Variants in LGALS8 observed in about 807,000 individuals in gnomAD.
The protein encoded by LGALS8 is galectin 8.
Under a neutral mutation model 35.9 loss-of-function variants are expected in LGALS8, and 30 were observed. The ratio of observed to expected loss-of-function variants is 0.83; its 90% CI spans 0.62 to 1.13. LGALS8 has a LOEUF of 1.13. Among genes scored for constraint, LGALS8 ranks in the 50% most tolerant of loss-of-function variants. The probability of loss-of-function intolerance (pLI) is 0.00; values close to 1 mark genes in which losing one functional copy is unlikely to be tolerated. For synonymous variants in LGALS8, 138 were observed against 136.1 expected, an observed-to-expected ratio of 1.01 and a Z score of -0.10; for missense variants, 366 against 388.7, an observed-to-expected ratio of 0.94 and a Z score of 0.49.
intron 9 of LGALS8, among the ~76,000 whole-genome samples, chr1:236,546,005 G>GTCA (rs1662339868): frequency 6.6e-6 from 1 of 152,182 alleles, no homozygotes; most frequent in South Asian, 2.1e-4. Context: ...TGGGTGACAG[G>GTCA]AAACCAATGA....
upstream of LGALS8, among the ~76,000 whole-genome samples, chr1:236,520,369 T>C (rs1408810308): frequency 2.7e-5 from 3 of 110,680 alleles, no homozygotes; most frequent in Admixed American, 1.2e-4. Flanking sequence ...CAATGTAGTA[T>C]CTTCTCTTTA....
Position 236,551,923 on chromosome 1 carries a change from C to A in LGALS8, c.*3762C>A. The A allele has an allele frequency of 1.1e-6, 1 of 948,514 alleles. No homozygotes were observed. Among genetic ancestry groups the A allele is most frequent in the Non-Finnish European group, 1.7e-6 (1 of 591,692 alleles). 58.8% of individuals were successfully genotyped at this position (948,514 alleles called of 1,614,324 possible). ...CACGTTATATCCAAATCTGCATTAT[C>A]ATTGGGCACATTTTCACAGAATTTT... On this transcript the variant is annotated 3_prime_UTR_variant, in exon 10 of 10. Transcript: ENST00000366584.
rs1052544054 is a variant in LGALS8, at chr1:236,549,524, T to G, written c.*1363T>G. On this transcript the variant is annotated 3_prime_UTR_variant, in exon 10 of 10. Coordinates refer to ENST00000366584, the MANE Select transcript of LGALS8 (RefSeq NM_201544.4). ...ATATTGAAAAGAATACCATTGTCAA[T>G]CTTATTTTTTTAAAAGTACTCAGTG... is the stretch of plus-strand genomic sequence containing the variant. The G allele has an allele frequency of 1.3e-5, 2 of 151,878 alleles. No homozygotes were observed. The highest frequency in any genetic ancestry group is 4.8e-5 in the African/African-American group (2 of 41,430). 9.4% of individuals were successfully genotyped at this position (151,878 alleles called of 1,614,324 possible).
At chr1:236,537,450 G>T in intron 2 of LGALS8, 47 bp from the exon 3 acceptor site, 1 of 1,177,686 alleles carries the variant, frequency 8.5e-7, no homozygotes, top group Non-Finnish European at 1.3e-6. Flanking sequence ...TGCTTAGTAA[G>T]TAATTTTGTT....
In LGALS8 at chr1:236,534,059, C is replaced by T. The variant is rs1031982319; in HGVS notation, c.46-3438C>T. Among the ~76,000 whole-genome samples the T allele has an allele frequency of 5.9e-5, 9 of 152,178 alleles. No individual in the cohort carries two copies. In the East Asian group the frequency reaches 7.7e-4, roughly 13 times the overall value. On this transcript the variant is annotated intron_variant, in intron 2 of 9. Coordinates refer to ENST00000366584, the MANE Select transcript of LGALS8 (RefSeq NM_201544.4). ...TGCCCCCTTGCCAGAGTGAATACTG[C>T]GTCATTGTGGCTTCTTCTTGTCACT... is the stretch of plus-strand genomic sequence containing the variant.
intron 1 of LGALS8, chr1:236,518,350 A>T (rs765407239): frequency 2.0e-5 from 3 of 152,108 alleles, no homozygotes; most frequent in African/African-American, 7.2e-5. Flanking sequence ...GTGCTCATGG[A>T]TGGGGCTAGT....
At chr1:236,520,787 G>A (rs1267459329), upstream of LGALS8, among the ~76,000 whole-genome samples, 1 of 152,296 alleles carries the variant, frequency 6.6e-6, no homozygotes, top group African/African-American at 2.4e-5. Context: ...CCAATCTCAT[G>A]ATGTCATATC....
chr1:236,545,765 A>G (rs1662324550), intron 9 of LGALS8, among the ~76,000 whole-genome samples: 1 of 92,990 alleles, frequency 1.1e-5, no homozygotes, highest in Non-Finnish European at 2.8e-5. Context: ...CTAATCATGG[A>G]AGGTTCCCTG....
rs1318737289 is a variant in LGALS8 at position 236,550,534 on chromosome 1, T to TA, written c.*2374dup. On this transcript the variant is annotated 3_prime_UTR_variant, in exon 10 of 10. Transcript: ENST00000366584. ...CAACATGGATACCATGTATGTAAGATACTGCTGTACAGAAGAGTTAAGGCT... is the reference window on the plus strand; with the variant it reads ...CAACATGGATACCATGTATGTAAGATAACTGCTGTACAGAAGAGTTAAGGCT... The TA allele has an allele frequency of 3.3e-5, 6 of 181,356 alleles. No homozygotes were observed. Among genetic ancestry groups the TA allele is most frequent in the Admixed American group, 6.0e-5 (1 of 16,550 alleles). 11.2% of individuals were successfully genotyped at this position (181,356 alleles called of 1,614,324 possible).
intron 2 of LGALS8, among the ~76,000 whole-genome samples, chr1:236,530,516 G>A (rs2794788): frequency 0.58 from 87,816 of 151,914 alleles, 27,057 homozygotes; most frequent in Non-Finnish European, 0.69. Context: ...ATCACTCATA[G>A]ATTTTTTTTT....
intron 2 of LGALS8, among the ~76,000 whole-genome samples, chr1:236,528,093 C>T (rs993828656): frequency 2.0e-5 from 3 of 150,708 alleles, no homozygotes; most frequent in Non-Finnish European, 4.4e-5. Flanking sequence ...CTTAGGAAAA[C>T]GGTTTTCAGC....
At chr1:236,533,202 T>C (rs1270236995) in intron 2 of LGALS8, among the ~76,000 whole-genome samples, 1 of 152,246 alleles carries the variant, frequency 6.6e-6, no homozygotes, top group Non-Finnish European at 1.5e-5. Flanking sequence ...TCTCTGCTTT[T>C]GTAAACTGCC....
chr1:236,520,974 T>G (rs1278589830), upstream of LGALS8, among the ~76,000 whole-genome samples: 1 of 152,208 alleles, frequency 6.6e-6, no homozygotes, highest in African/African-American at 2.4e-5. Context: ...GCTTAAACTT[T>G]GACTCCTCTG....
rs968573175 is a variant in LGALS8, at chr1:236,548,958, A to T, written c.*797A>T. On this transcript the variant is annotated 3_prime_UTR_variant, in exon 10 of 10. Coordinates refer to ENST00000366584, the MANE Select transcript of LGALS8 (RefSeq NM_201544.4). Reference sequence around the variant, plus strand: ...TGTATTTGAACTTAGGGCAAATCAGAGTCTACACAGACGCCTACAGAAAGT... The same window carrying T: ...TGTATTTGAACTTAGGGCAAATCAGTGTCTACACAGACGCCTACAGAAAGT... 2.5e-6 allele frequency: 1 copy of T among 398,382 alleles called. No homozygotes were observed. The highest frequency in any genetic ancestry group is 4.4e-6 in the Non-Finnish European group (1 of 226,012). 24.7% of individuals were successfully genotyped at this position (398,382 alleles called of 1,614,324 possible).
intron 2 of LGALS8, among the ~76,000 whole-genome samples, chr1:236,531,686 C>T (rs370757842): frequency 1.6e-5 from 1 of 61,858 alleles, no homozygotes; most frequent in Non-Finnish European, 3.1e-5. Context: ...AAGATATTGA[C>T]AGTTTTCCTC....
chr1:236,535,799 T>C (rs1661455149), intron 2 of LGALS8, among the ~76,000 whole-genome samples: 1 of 152,244 alleles, frequency 6.6e-6, no homozygotes, highest in Admixed American at 6.5e-5. Context: ...CCGTAATTTC[T>C]CATCTTATTG....
At chr1:236,539,828 TCA>T (rs548218463) in intron 4 of LGALS8, among the ~76,000 whole-genome samples, 88 of 152,358 alleles carry the variant, frequency 5.8e-4, no homozygotes, top group African/African-American at 2.0e-3. Flanking sequence ...TCATTCTTTT[TCA>T]CAGTTTTTAA....
At chr1:236,530,343 C>T (rs1435388690) in intron 2 of LGALS8, among the ~76,000 whole-genome samples, 1 of 152,198 alleles carries the variant, frequency 6.6e-6, no homozygotes, top group Admixed American at 6.5e-5. Context: ...GAGATACCTT[C>T]TAGCCTTTGT....
rs2103117769 is a variant in LGALS8, at chr1:236,550,694, CTT to C, written c.*2535_*2536del. 4.3e-6 allele frequency: 2 copies of C among 468,756 alleles called. No individual in the cohort carries two copies. The highest frequency in any genetic ancestry group is 6.6e-5 in the East Asian group (2 of 30,400). The allele number at this position is 468,756 out of a possible 1,614,324, so 29.0% of individuals were successfully genotyped here. A position where few individuals can be genotyped will look rare whatever the true frequency, so the allele number is the denominator to read the frequency against. On this transcript the variant is annotated 3_prime_UTR_variant, in exon 10 of 10. Transcript: ENST00000366584. ...ATAAAAATACCGTGTATCATTTACT[CTT>C]TCTGCAGCTCTATACGATAGGCAGG...
Sources: allele counts gnomAD v4.1 joint callset (sites outside exome capture counted in the v4.1 genomes callset), GRCh38; gene constraint gnomAD v4.1.1; transcripts MANE v1.5; gene names NCBI Gene and HGNC (gene_info 2026-07-23, HGNC 2026-07-21).